Variants in SH3RF2 observed in about 807,000 individuals in gnomAD.
SH3RF2 encodes the protein E3 ubiquitin-protein ligase SH3RF2.
A neutral mutation model predicts 59.0 loss-of-function variants in SH3RF2; 43 were observed. The observed-to-expected ratio is 0.73, with a 90% confidence interval of 0.57 to 0.94. SH3RF2 has a LOEUF of 0.94. SH3RF2 is among the 40% of genes least tolerant of loss of function. SH3RF2 has a pLI of 0.00. For synonymous variants in SH3RF2, 391 were observed against 391.5 expected, an observed-to-expected ratio of 1.00 and a Z score of 0.01; for missense variants, 930 against 940.1, an observed-to-expected ratio of 0.99 and a Z score of 0.14.
In SH3RF2 at chr5:145,984,494, G is replaced by A. The variant is rs143169013; in HGVS notation, c.379-15564G>A. ...GGAAAAGAGAACTGTCACTTATTCCGCCATATCTCATATTCCTAAGGAAGA... is the reference window on the plus strand; with the variant it reads ...GGAAAAGAGAACTGTCACTTATTCCACCATATCTCATATTCCTAAGGAAGA... On this transcript the variant is annotated intron_variant, in intron 2 of 9. Transcript: ENST00000359120. Among the ~76,000 whole-genome samples the A allele has an allele frequency of 2.3e-3, 348 of 152,316 alleles. 1 individual carries two copies. The highest frequency in any genetic ancestry group is 5.2e-3 in the Admixed American group (79 of 15,300).
At chr5:146,028,918 G>T (rs1416035659) in intron 5 of SH3RF2, among the ~76,000 whole-genome samples, 1 of 152,198 alleles carries the variant, frequency 6.6e-6, no homozygotes, top group African/African-American at 2.4e-5. Context: ...CGCGCTCCTA[G>T]CTGGAGAAGC....
In SH3RF2 at chr5:146,011,155, A is replaced by G. The variant is rs550107243; in HGVS notation, c.745-2592A>G. On this transcript the variant is annotated intron_variant, in intron 4 of 9. Transcript: ENST00000359120. ...ATAGGGAATCGTTTCCCCATTTCTT[A>G]TTTTTGTCGCGTTTGTCAAAGATCA... Among the ~76,000 whole-genome samples the G allele has an allele frequency of 1.1e-4, 16 of 152,084 alleles. 3 individuals are homozygous for G. The highest frequency in any genetic ancestry group is 3.6e-4 in the African/African-American group (15 of 41,500).
At chr5:145,954,826 G>A (rs987670122) in intron 2 of SH3RF2, among the ~76,000 whole-genome samples, 6 of 152,126 alleles carry the variant, frequency 3.9e-5, no homozygotes, top group African/African-American at 1.4e-4. Flanking sequence ...AGAAGGCAAA[G>A]TAGGAACAGA....
intron 5 of SH3RF2, among the ~76,000 whole-genome samples, chr5:146,021,311 A>G (rs1761308270): frequency 6.6e-6 from 1 of 152,158 alleles, no homozygotes; most frequent in African/African-American, 2.4e-5. Context: ...AGATAAATTA[A>G]CTCTATGTTT....
At chr5:146,037,482 T>C (rs1761981307) in intron 5 of SH3RF2, among the ~76,000 whole-genome samples, 1 of 152,142 alleles carries the variant, frequency 6.6e-6, no homozygotes, top group African/African-American at 2.4e-5. Context: ...GTATGGGGGG[T>C]CCGCATTGGC....
intron 5 of SH3RF2, among the ~76,000 whole-genome samples, chr5:146,030,022 G>T (rs921375189): frequency 1.3e-5 from 2 of 152,188 alleles, no homozygotes; most frequent in African/African-American, 4.8e-5. Flanking sequence ...GCACCAGTTT[G>T]TCTGTTTCCA....
chr5:146,010,714 G>A (rs1194099670), intron 4 of SH3RF2, among the ~76,000 whole-genome samples: 5 of 152,064 alleles, frequency 3.3e-5, no homozygotes. Flanking sequence ...TTGCCCACTT[G>A]TTGATGGGGT....
chr5:146,061,236 G>T (rs1463234684), intron 9 of SH3RF2, among the ~76,000 whole-genome samples: 1 of 152,110 alleles, frequency 6.6e-6, no homozygotes. Context: ...TGGCAGCTCA[G>T]GGAGTTAAAG....
At chr5:146,020,802 G>A (rs767333483) in intron 5 of SH3RF2, among the ~76,000 whole-genome samples, 1 of 152,138 alleles carries the variant, frequency 6.6e-6, no homozygotes, top group Admixed American at 6.6e-5. Flanking sequence ...GAGAGAGAGA[G>A]AAAAAGGTGG....
intron 2 of SH3RF2, among the ~76,000 whole-genome samples, chr5:145,965,213 A>G (rs75828418): frequency 6.7e-6 from 1 of 149,572 alleles, no homozygotes; most frequent in Admixed American, 6.7e-5. Flanking sequence ...TAAAATTAAG[A>G]AAAAAAAAAC....
chr5:145,955,177 G>A (rs1336937059), intron 2 of SH3RF2, among the ~76,000 whole-genome samples: 5 of 152,156 alleles, frequency 3.3e-5, no homozygotes, highest in Admixed American at 3.3e-4. Flanking sequence ...GATTAAAGCA[G>A]GGAATAACCT....
chr5:146,002,366 G>A (rs957489668), intron 3 of SH3RF2, among the ~76,000 whole-genome samples: 5 of 152,000 alleles, frequency 3.3e-5, no homozygotes, highest in East Asian at 1.9e-4. Context: ...CAGGAGAATC[G>A]CTTGAACCCA....
intron 9 of SH3RF2, among the ~76,000 whole-genome samples, chr5:146,068,661 T>A (rs555273854): frequency 7.2e-5 from 11 of 152,248 alleles, no homozygotes; most frequent in South Asian, 4.2e-4. Context: ...TGTTAAATGA[T>A]CGAGCAGACT....
intron 2 of SH3RF2, among the ~76,000 whole-genome samples, chr5:145,968,450 C>G (rs1758949071): frequency 1.3e-5 from 2 of 152,088 alleles, no homozygotes. Context: ...CAGAACCTAT[C>G]TACATATTTT....
chr5:145,969,775 A>G (rs995204516), intron 2 of SH3RF2, among the ~76,000 whole-genome samples: 3 of 152,074 alleles, frequency 2.0e-5, no homozygotes, highest in Non-Finnish European at 4.4e-5. Context: ...ATAAATCATT[A>G]TTTTTGAAAA....
At chr5:145,962,546 ATCT>A (rs1390226361) in intron 2 of SH3RF2, among the ~76,000 whole-genome samples, 2 of 152,122 alleles carry the variant, frequency 1.3e-5, no homozygotes, top group Admixed American at 1.3e-4. Context: ...TCTTTGGAAA[ATCT>A]TCTCAGTTGG....
At chr5:145,977,079 T>C (rs1759322448) in intron 2 of SH3RF2, among the ~76,000 whole-genome samples, 1 of 152,206 alleles carries the variant, frequency 6.6e-6, no homozygotes, top group Admixed American at 6.5e-5. Context: ...CATTTACAGA[T>C]GGGAAAACTG....
exon 10 of SH3RF2, chr5:146,079,944 C>T (rs1300310163): frequency 3.9e-5 from 6 of 152,222 alleles, no homozygotes; most frequent in Admixed American, 3.9e-4. Context: ...CAATAGGAAA[C>T]CACCACTCCT....
chr5:145,993,885 C>G (rs778835024), intron 2 of SH3RF2, among the ~76,000 whole-genome samples: 6 of 152,214 alleles, frequency 3.9e-5, no homozygotes, highest in Admixed American at 6.5e-5. Context: ...CAGCCTGCAG[C>G]GGGCTTCAAT....
Sources: gnomAD v4.1 joint callset for allele counts (sites outside exome capture counted in the v4.1 genomes callset) on GRCh38, gnomAD v4.1.1 for gene constraint, MANE v1.5 for transcripts, NCBI Gene and HGNC (gene_info 2026-07-23, HGNC 2026-07-21) for gene names.